MRPL42: variants seen among roughly 807,000 people sequenced by gnomAD.
MRPL42 encodes the protein mitochondrial ribosomal protein L42, also known as large ribosomal subunit protein mL42.
Under a neutral mutation model 17.9 loss-of-function variants are expected in MRPL42, and 17 were observed. The ratio of observed to expected loss-of-function variants is 0.95; its 90% CI spans 0.65 to 1.42. MRPL42 has a LOEUF of 1.42. Among genes scored for constraint, MRPL42 ranks in the 40% most tolerant of loss-of-function variants. The pLI is 0.00. For missense variants in MRPL42, 177 were observed against 175.2 expected (o/e 1.01, Z -0.06); for synonymous variants, 59 against 54.4 (o/e 1.08, Z -0.37).
chr12:93,497,575 C>T (rs1010609135), intron 5 of MRPL42, among the ~76,000 whole-genome samples: 2 of 152,106 alleles, frequency 1.3e-5, no homozygotes, highest in Non-Finnish European at 1.5e-5. Context: ...ATTGAGGGAA[C>T]ATACTCCAAA....
chr12:93,504,736 T>G lies in MRPL42; in HGVS notation c.*3515T>G, dbSNP rs1370274783. On this transcript the variant is annotated 3_prime_UTR_variant, in exon 6 of 6. Transcript: ENST00000549982. ...TTTATATGCCCCCTAAAATGTAACT[T>G]CTTTAGATTCTGTTGTTACGTGCAA... 1 of 152,188 alleles carries G rather than the reference T, an allele frequency of 6.6e-6. No individual in the cohort carries two copies. Among genetic ancestry groups the G allele is most frequent in the Admixed American group, 6.5e-5 (1 of 15,278 alleles). 9.4% of individuals were successfully genotyped at this position (152,188 alleles called of 1,614,324 possible).
intron 2 of MRPL42, among the ~76,000 whole-genome samples, chr12:93,471,711 T>C (rs1879919518): frequency 6.6e-6 from 1 of 152,210 alleles, no homozygotes; most frequent in Non-Finnish European, 1.5e-5. Context: ...ATATTCAAAG[T>C]AAAATCAACT....
intron 5 of MRPL42, among the ~76,000 whole-genome samples, chr12:93,489,477 T>C (rs1953370471): frequency 1.3e-5 from 2 of 152,154 alleles, no homozygotes; most frequent in Non-Finnish European, 2.9e-5. Flanking sequence ...CAACATAGTC[T>C]TTCAATTCCT....
chr12:93,475,836 T>C (rs1268163915), intron 2 of MRPL42, among the ~76,000 whole-genome samples: 1 of 151,662 alleles, frequency 6.6e-6, no homozygotes, highest in Non-Finnish European at 1.5e-5. Context: ...ACAAAAAAAT[T>C]AGCCAGGCGT....
Position 93,507,647 on chromosome 12 carries a change from T to C in MRPL42, c.*6426T>C, listed in dbSNP as rs1281482045. ...CAGCTCAGCTTATCTTGGCTGGACT[T>C]GCCCATGCAGCTGAGGTCACTAGTT... On this transcript the variant is annotated 3_prime_UTR_variant, in exon 6 of 6. Transcript: ENST00000549982. 6.6e-6 allele frequency: 1 copy of C among 152,278 alleles called. No individual in the cohort carries two copies. The highest frequency in any genetic ancestry group is 2.4e-5 in the African/African-American group (1 of 41,480). 9.4% of individuals were successfully genotyped at this position (152,278 alleles called of 1,614,324 possible). A position where few individuals can be genotyped will look rare whatever the true frequency, so the allele number is the denominator to read the frequency against.
At chr12:93,481,274 A>G (rs1175619664) in intron 4 of MRPL42, among the ~76,000 whole-genome samples, 2 of 152,190 alleles carry the variant, frequency 1.3e-5, no homozygotes, top group African/African-American at 2.4e-5. Context: ...TGACTCTAAT[A>G]GAAACCTGCC....
In MRPL42 at chr12:93,511,239, A is replaced by G. The variant is rs1280423520; in HGVS notation, c.*10018A>G. On this transcript the variant is annotated 3_prime_UTR_variant, in exon 6 of 6. Transcript: ENST00000549982. ...GAAGCAATAAAATAATCAAAACTAA[A>G]TCAACATTTAAATACAGAACATAAA... 1 of 152,222 alleles carries G rather than the reference A, an allele frequency of 6.6e-6. No individual in the cohort carries two copies. The highest frequency in any genetic ancestry group is 6.5e-5 in the Admixed American group (1 of 15,284). The allele number at this position is 152,222 out of a possible 1,614,324, so 9.4% of individuals were successfully genotyped here.
chr12:93,481,980 C>T (rs1242316798), intron 4 of MRPL42, among the ~76,000 whole-genome samples: 1 of 152,216 alleles, frequency 6.6e-6, no homozygotes, highest in African/African-American at 2.4e-5. Context: ...CCTGCATCCT[C>T]TTTCTTTGTT....
intron 2 of MRPL42, among the ~76,000 whole-genome samples, chr12:93,474,446 A>AT (rs1880064825): frequency 1.3e-5 from 2 of 150,936 alleles, no homozygotes; most frequent in African/African-American, 2.4e-5. Flanking sequence ...ACCAGTTTTA[A>AT]TTTTTTTAGA....
chr12:93,482,040 C>G (rs1258998378), intron 4 of MRPL42, among the ~76,000 whole-genome samples: 2 of 152,134 alleles, frequency 1.3e-5, no homozygotes, highest in Non-Finnish European at 2.9e-5. Flanking sequence ...CATCAATATT[C>G]ATCTCTCTAG....
chr12:93,487,194 C>T (rs540898492), intron 4 of MRPL42, among the ~76,000 whole-genome samples: 1 of 152,232 alleles, frequency 6.6e-6, no homozygotes, highest in East Asian at 1.9e-4. Context: ...AACTCCTGGG[C>T]TCAAGTGATT....
At position 93,487,480 on chromosome 12, in the gene MRPL42, T is replaced by A. The variant is rs188110370; in HGVS notation, c.220-17T>A. 1 of 1,599,714 alleles carries A rather than the reference T, an allele frequency of 6.3e-7. No homozygotes were observed. The highest frequency in any genetic ancestry group is 8.5e-7 in the Non-Finnish European group (1 of 1,172,768). On this transcript the variant is annotated splice_polypyrimidine_tract_variant and intron_variant, in intron 4 of 5. Transcript: ENST00000549982. Reference sequence around the variant, plus strand: ...ATTCCCACATCTTCATGATGTTTGTTACTGATTATTTTGTAGCCTATCCCT... The same window carrying A: ...ATTCCCACATCTTCATGATGTTTGTAACTGATTATTTTGTAGCCTATCCCT...
At position 93,505,424 on chromosome 12, in the gene MRPL42, A is replaced by G. The variant is rs561705939; in HGVS notation, c.*4203A>G. The G allele has an allele frequency of 2.0e-5, 3 of 152,302 alleles. No homozygotes were observed. The highest frequency in any genetic ancestry group is 2.9e-5 in the Non-Finnish European group (2 of 68,030). The allele number at this position is 152,302 out of a possible 1,614,324, so 9.4% of individuals were successfully genotyped here. A position where few individuals can be genotyped will look rare whatever the true frequency, so the allele number is the denominator to read the frequency against. On this transcript the variant is annotated 3_prime_UTR_variant, in exon 6 of 6. Transcript: ENST00000549982. ...CACAAACACTGGTAGTAAGCAAACT[A>G]TTTTATTTGCTAAAGGCATAAATAA... is the stretch of plus-strand genomic sequence containing the variant.
Position 93,505,489 on chromosome 12 carries a change from GA to G in MRPL42, c.*4269del, listed in dbSNP as rs2121293464. ...TTTAGGCAAAGGGAATGCTTCTTCA[GA>G]TTTTTTTTTTTCCCCAGAAGTTCAA... On this transcript the variant is annotated 3_prime_UTR_variant, in exon 6 of 6. Coordinates refer to ENST00000549982, the MANE Select transcript of MRPL42 (RefSeq NM_014050.4). 1 of 80,868 alleles carries G rather than the reference GA, an allele frequency of 1.2e-5. No homozygotes were observed. The highest frequency in any genetic ancestry group is 4.3e-5 in the African/African-American group (1 of 23,126). 5.0% of individuals were successfully genotyped at this position (80,868 alleles called of 1,614,324 possible). A position where few individuals can be genotyped will look rare whatever the true frequency, so the allele number is the denominator to read the frequency against.
At chr12:93,476,433 T>C (rs574514236) in intron 2 of MRPL42, among the ~76,000 whole-genome samples, 1 of 152,326 alleles carries the variant, frequency 6.6e-6, no homozygotes, top group African/African-American at 2.4e-5. Flanking sequence ...CCTCCCAAAG[T>C]GTTGGGATTA....
chr12:93,500,081 G>A (rs963198231), intron 5 of MRPL42, among the ~76,000 whole-genome samples: 1 of 152,090 alleles, frequency 6.6e-6, no homozygotes, highest in African/African-American at 2.4e-5. Context: ...ATTCTCCATG[G>A]TGAAATCACT....
At chr12:93,489,832 G>A (rs7133981) in intron 5 of MRPL42, among the ~76,000 whole-genome samples, 1,902 of 152,264 alleles carry the variant, frequency 0.012, 46 homozygotes, top group African/African-American at 0.043. Context: ...CACTGCTCCC[G>A]GCCTTCCTTC....
At chr12:93,499,639 A>G (rs147545525) in intron 5 of MRPL42, among the ~76,000 whole-genome samples, 11 of 152,280 alleles carry the variant, frequency 7.2e-5, no homozygotes, top group African/African-American at 2.6e-4. Context: ...GTATGCCAAC[A>G]TAAGTACATG....
At chr12:93,473,629 C>T (rs1379640954) in intron 2 of MRPL42, among the ~76,000 whole-genome samples, 1 of 151,874 alleles carries the variant, frequency 6.6e-6, no homozygotes, top group Non-Finnish European at 1.5e-5. Context: ...TGGGGTTCCA[C>T]CATGTTGATC....
Sources: allele counts gnomAD v4.1 joint callset (sites outside exome capture counted in the v4.1 genomes callset), GRCh38; gene constraint gnomAD v4.1.1; transcripts MANE v1.5; gene names NCBI Gene and HGNC (gene_info 2026-07-23, HGNC 2026-07-21).